Variants in TRPM3 observed in about 807,000 individuals in gnomAD.
The protein encoded by TRPM3 is transient receptor potential cation channel subfamily M member 3, also known as long transient receptor potential channel 3.
Under a neutral mutation model 181.2 loss-of-function variants are expected in TRPM3, and 77 were observed. That is an observed-to-expected ratio of 0.42 (90% confidence interval 0.35 to 0.51). The LOEUF (loss-of-function observed/expected upper bound fraction) is 0.51. Ranked by LOEUF, TRPM3 falls within the 20% of genes least tolerant of loss-of-function variation. TRPM3 has a pLI of 0.01. For missense variants in TRPM3, 1,759 were observed against 2,196.7 expected, an observed-to-expected ratio of 0.80 and a Z score of 3.98; for synonymous variants, 745 against 796.4, an observed-to-expected ratio of 0.94 and a Z score of 1.09.
At chr9:71,205,459 G>C (rs549952593) in intron 1 of TRPM3, among the ~76,000 whole-genome samples, 6 of 152,224 alleles carry the variant, frequency 3.9e-5, no homozygotes, top group African/African-American at 1.4e-4. Context: ...GTTGGGTAGA[G>C]AGTGCGTAAG....
In TRPM3 at chr9:70,978,467, T is replaced by C. The variant is rs1310633087; in HGVS notation, c.178-113956A>G. Among the ~76,000 whole-genome samples, 17 of 152,212 alleles carry C rather than the reference T, an allele frequency of 1.1e-4. 1 individual carries two copies. The highest frequency in any genetic ancestry group is 1.3e-4 in the Non-Finnish European group (9 of 68,040). On this transcript the variant is annotated intron_variant, in intron 1 of 25. Coordinates refer to ENST00000677713, the MANE Select transcript of TRPM3 (RefSeq NM_001366145.2). ...CAGAAAAATCTCCTAGGGGTTTTTTTCTCTTCTCAAAACTTACGCTCTTTC... is the reference window on the plus strand; with the variant it reads ...CAGAAAAATCTCCTAGGGGTTTTTTCCTCTTCTCAAAACTTACGCTCTTTC...
chr9:71,015,960 G>A lies in TRPM3; in HGVS notation c.177+105218C>T, dbSNP rs142702013. 1.7e-4 allele frequency among the ~76,000 whole-genome samples: 26 copies of A among 152,064 alleles called. No individual in the cohort carries two copies. The East Asian group carries it at 5.0e-3, about 29-fold the overall frequency. Reference sequence around the variant, plus strand: ...ACCTGTAATCCCAGCACTTTGGGAGGCCGAGGGAGGCGGATCACGAGGTCA... The same window carrying A: ...ACCTGTAATCCCAGCACTTTGGGAGACCGAGGGAGGCGGATCACGAGGTCA... On this transcript the variant is annotated intron_variant, in intron 1 of 25. Coordinates refer to ENST00000677713, the MANE Select transcript of TRPM3 (RefSeq NM_001366145.2).
At chr9:70,556,677 G>C (rs375917963) in intron 22 of TRPM3, among the ~76,000 whole-genome samples, 1 of 152,094 alleles carries the variant, frequency 6.6e-6, no homozygotes, top group African/African-American at 2.4e-5. Flanking sequence ...AGCTGAGATC[G>C]TGTCACTGGA....
intron 9 of TRPM3, among the ~76,000 whole-genome samples, chr9:70,644,185 G>A (rs1207533431): frequency 6.6e-6 from 1 of 152,194 alleles, no homozygotes; most frequent in Non-Finnish European, 1.5e-5. Flanking sequence ...TCCTACTGGT[G>A]GTGGGGAAGT....
chr9:71,436,232 GATTCTGAGGCCTC>G (rs1340915141), intron 1 of TRPM3, among the ~76,000 whole-genome samples: 2 of 137,944 alleles, frequency 1.4e-5, no homozygotes, highest in Middle Eastern at 7.5e-3. Flanking sequence ...CTCCCGCCTT[GATTCTGAGGCCTC>G]CTCAGCCATG....
chr9:70,801,015 C>A (rs1232811463), intron 6 of TRPM3, among the ~76,000 whole-genome samples: 1 of 152,176 alleles, frequency 6.6e-6, no homozygotes, highest in African/African-American at 2.4e-5. Flanking sequence ...AGTCTGAATT[C>A]TTGGTGCTCT....
At chr9:70,945,465 C>T (rs2096923871) in intron 1 of TRPM3, among the ~76,000 whole-genome samples, 1 of 152,040 alleles carries the variant, frequency 6.6e-6, no homozygotes, top group South Asian at 2.1e-4. Flanking sequence ...AAAATACTAC[C>T]ACCACCTTCC....
chr9:71,408,373 G>C (rs186607063), intron 1 of TRPM3, among the ~76,000 whole-genome samples: 1 of 152,228 alleles, frequency 6.6e-6, no homozygotes, highest in East Asian at 1.9e-4. Flanking sequence ...TTAGACGAAT[G>C]GCTAACAAGA....
intron 1 of TRPM3, among the ~76,000 whole-genome samples, chr9:71,258,045 A>G (rs1429618443): frequency 6.6e-6 from 1 of 152,226 alleles, no homozygotes; most frequent in Non-Finnish European, 1.5e-5. Flanking sequence ...CCATCTAAAA[A>G]GTACCAGGAT....
chr9:70,785,234 C>T (rs912838154), intron 6 of TRPM3, among the ~76,000 whole-genome samples: 1 of 152,184 alleles, frequency 6.6e-6, no homozygotes, highest in Non-Finnish European at 1.5e-5. Context: ...GAAGACATTG[C>T]TGTTTTCAGG....
At chr9:71,224,924 G>A (rs2080491424) in intron 1 of TRPM3, among the ~76,000 whole-genome samples, 1 of 151,928 alleles carries the variant, frequency 6.6e-6, no homozygotes, top group Non-Finnish European at 1.5e-5. Flanking sequence ...AGTCAGAGGA[G>A]ACAAAAGAAA....
chr9:70,672,663 A>AAAC (rs1276539517), intron 9 of TRPM3, among the ~76,000 whole-genome samples: 2 of 152,174 alleles, frequency 1.3e-5, no homozygotes, highest in African/African-American at 4.8e-5. Flanking sequence ...ATATTAGATA[A>AAAC]AACTGTGGGC....
chr9:71,080,453 T>C (rs1023807359), intron 1 of TRPM3, among the ~76,000 whole-genome samples: 3 of 152,292 alleles, frequency 2.0e-5, no homozygotes, highest in African/African-American at 7.2e-5. Context: ...AAGGGAAGCC[T>C]TGTTCTTGGG....
chr9:71,404,862 C>A (rs1382713786), intron 1 of TRPM3, among the ~76,000 whole-genome samples: 1 of 152,158 alleles, frequency 6.6e-6, no homozygotes, highest in Non-Finnish European at 1.5e-5. Context: ...ATTGTCCCTG[C>A]CTGTTATACT....
chr9:70,902,374 G>A (rs77799565), intron 1 of TRPM3, among the ~76,000 whole-genome samples: 9,112 of 152,054 alleles, frequency 0.06, 489 homozygotes, highest in African/African-American at 0.15. Context: ...CTTTTTGCCC[G>A]GCACTGTACA....
At chr9:71,096,540 C>T (rs1035766715) in intron 1 of TRPM3, among the ~76,000 whole-genome samples, 4 of 146,968 alleles carry the variant, frequency 2.7e-5, no homozygotes, top group South Asian at 2.3e-4. Context: ...ACTGTTGGAA[C>T]CCCCATCCTG....
intron 5 of TRPM3, among the ~76,000 whole-genome samples, chr9:70,840,510 G>C (rs1390612221): frequency 6.6e-6 from 1 of 152,074 alleles, no homozygotes; most frequent in Non-Finnish European, 1.5e-5. Context: ...CTCTGTGCTA[G>C]GATCAAGACT....
intron 1 of TRPM3, among the ~76,000 whole-genome samples, chr9:71,264,458 G>A (rs1209098948): frequency 6.6e-6 from 1 of 152,144 alleles, no homozygotes; most frequent in East Asian, 1.9e-4. Flanking sequence ...TGATGTTTCA[G>A]TCTCAGTAAG....
intron 8 of TRPM3, among the ~76,000 whole-genome samples, chr9:70,748,644 C>G (rs2075603698): frequency 6.6e-6 from 1 of 152,088 alleles, no homozygotes; most frequent in African/African-American, 2.4e-5. Flanking sequence ...TTGCTTGCCC[C>G]CTCCACCACA....
Sources: gnomAD v4.1 joint callset for allele counts (sites outside exome capture counted in the v4.1 genomes callset) on GRCh38, gnomAD v4.1.1 for gene constraint, MANE v1.5 for transcripts, NCBI Gene and HGNC (gene_info 2026-07-23, HGNC 2026-07-21) for gene names.